The following LPIN2 variants were observed in gnomAD, a reference collection of about 807,000 sequenced individuals.
LPIN2 encodes the protein phosphatidate phosphatase LPIN2.
LPIN2 carries 55 observed loss-of-function variants against 111.4 expected under a neutral mutation model. The observed-to-expected ratio is 0.49, with a 90% CI of 0.40 to 0.62. The LOEUF is 0.62. Ranked by LOEUF, LPIN2 falls within the 20% of genes least tolerant of loss-of-function variation. The pLI, the probability that LPIN2 is intolerant of heterozygous loss-of-function variation, is 0.00. For synonymous variants in LPIN2, 425 were observed against 414.0 expected (o/e 1.03, Z -0.32); for missense variants, 992 against 1,112.1 (o/e 0.89, Z 1.54).
intron 7 of LPIN2, among the ~76,000 whole-genome samples, chr18:2,936,755 T>A (rs1325125633): frequency 6.6e-6 from 1 of 152,066 alleles, no homozygotes; most frequent in Non-Finnish European, 1.5e-5. Context: ...CAGTTTTTTA[T>A]GTTTGATAGA....
At chr18:2,958,168 A>AAAAAAG (rs2077649662) in intron 2 of LPIN2, among the ~76,000 whole-genome samples, 1 of 146,204 alleles carries the variant, frequency 6.8e-6, no homozygotes, top group African/African-American at 2.5e-5. Context: ...CAACAAAAAA[A>AAAAAAG]AAAAACAGAA....
intron 1 of LPIN2, among the ~76,000 whole-genome samples, chr18:3,009,734 C>CCCAG: frequency 6.6e-6 from 1 of 152,336 alleles, no homozygotes; most frequent in East Asian, 1.9e-4. Context: ...AACCACCGCA[C>CCCAG]CCAGCCTTCT....
intron 1 of LPIN2, among the ~76,000 whole-genome samples, chr18:2,978,472 C>A (rs1862702871): frequency 6.6e-6 from 1 of 152,084 alleles, no homozygotes; most frequent in African/African-American, 2.4e-5. Context: ...ATCAGACAAA[C>A]CGAAGTAGAG....
intron 7 of LPIN2, among the ~76,000 whole-genome samples, chr18:2,936,061 T>G (rs984011867): frequency 6.6e-6 from 1 of 152,248 alleles, no homozygotes; most frequent in Non-Finnish European, 1.5e-5. Flanking sequence ...GGTGCCAAGT[T>G]AAGCCACCAT....
intron 4 of LPIN2, among the ~76,000 whole-genome samples, chr18:2,947,315 CA>C (rs10712585): frequency 0.52 from 79,030 of 152,020 alleles, 21,642 homozygotes; most frequent in Non-Finnish European, 0.61. Context: ...CTCTTCCCTC[CA>C]AAAGGCTACA....
At chr18:2,970,719 C>T (rs2077894424) in intron 1 of LPIN2, among the ~76,000 whole-genome samples, 1 of 152,176 alleles carries the variant, frequency 6.6e-6, no homozygotes, top group Non-Finnish European at 1.5e-5. Context: ...CTTTATGCTA[C>T]TTAACAACTT....
chr18:2,956,915 G>A (rs766686958), intron 2 of LPIN2, among the ~76,000 whole-genome samples: 6 of 152,142 alleles, frequency 3.9e-5, no homozygotes, highest in Non-Finnish European at 8.8e-5. Context: ...AATATGCTGT[G>A]AACTCTTCAG....
At chr18:2,983,983 T>C (rs1016236703) in intron 1 of LPIN2, among the ~76,000 whole-genome samples, 1 of 152,200 alleles carries the variant, frequency 6.6e-6, no homozygotes, top group Non-Finnish European at 1.5e-5. Flanking sequence ...TTGTTCATCA[T>C]TCCTTTAAAG....
intron 13 of LPIN2, among the ~76,000 whole-genome samples, chr18:2,926,175 A>G (rs2077127085): frequency 6.6e-6 from 1 of 152,150 alleles, no homozygotes; most frequent in Non-Finnish European, 1.5e-5. Flanking sequence ...AAGATATAGG[A>G]TGGGGGGCGG....
At chr18:2,998,216 A>C (rs2078374527) in intron 1 of LPIN2, among the ~76,000 whole-genome samples, 1 of 152,232 alleles carries the variant, frequency 6.6e-6, no homozygotes, top group Non-Finnish European at 1.5e-5. Context: ...CACTGCTGCA[A>C]TCAATGCCAC....
At chr18:3,001,046 G>C (rs1019833638) in intron 1 of LPIN2, among the ~76,000 whole-genome samples, 2 of 152,086 alleles carry the variant, frequency 1.3e-5, no homozygotes, top group Non-Finnish European at 2.9e-5. Context: ...CTTCTCAAAA[G>C]TAACAATTCT....
intron 4 of LPIN2, chr18:2,950,413 T>C (rs2077516315): frequency 6.5e-6 from 1 of 152,788 alleles, no homozygotes. Flanking sequence ...CAGCTTCTTG[T>C]CCAGTCGTCA....
chr18:2,977,048 A>T (rs1382034002), intron 1 of LPIN2: 9 of 152,188 alleles, frequency 5.9e-5, no homozygotes, highest in African/African-American at 2.2e-4. Flanking sequence ...CTCCACAAAA[A>T]AATACAAAAA....
intron 2 of LPIN2, among the ~76,000 whole-genome samples, chr18:2,958,437 TG>T (rs1254816946): frequency 3.9e-5 from 6 of 152,096 alleles, no homozygotes; most frequent in Admixed American, 3.9e-4. Flanking sequence ...TTTGAAAATT[TG>T]GGGTCTTACT....
intron 6 of LPIN2, 72 bp from the exon 7 acceptor site, chr18:2,938,109 C>A (rs2077316624): frequency 8.8e-7 from 1 of 1,139,886 alleles, no homozygotes; most frequent in Non-Finnish European, 1.3e-6. Flanking sequence ...CCTAAGCTGG[C>A]AATGTGTTCA....
intron 2 of LPIN2, among the ~76,000 whole-genome samples, chr18:2,960,268 G>A (rs1210432615): frequency 6.6e-6 from 1 of 151,046 alleles, no homozygotes; most frequent in Non-Finnish European, 1.5e-5. Context: ...GAAGGTATTA[G>A]CCTAAGTATT....
At chr18:2,922,022 A>G (rs759108677) in intron 17 of LPIN2, 25 bp downstream of exon 17, 3 of 1,606,544 alleles carry the variant, frequency 1.9e-6, no homozygotes, top group East Asian at 2.2e-5. Flanking sequence ...GGCGGTGGGC[A>G]GAGGGCTGCC....
chr18:2,948,251 G>A (rs975024816), intron 4 of LPIN2: 1 of 152,150 alleles, frequency 6.6e-6, no homozygotes, highest in African/African-American at 2.4e-5. Context: ...ACGACTGCAA[G>A]GCCCTAGCTT....
rs536427580 is a variant in LPIN2 at position 3,000,431 on chromosome 18, T to C, written c.-10+12656A>G. On this transcript the variant is annotated intron_variant, in intron 1 of 19. Coordinates refer to ENST00000677752, the MANE Select transcript of LPIN2 (RefSeq NM_001375808.2). Reference sequence around the variant, plus strand: ...TCAAAGGATAAAGAAACACCTGCACTGTTGTGGGCTCCACCTATGGCAGTC... The same window carrying C: ...TCAAAGGATAAAGAAACACCTGCACCGTTGTGGGCTCCACCTATGGCAGTC... Among the ~76,000 whole-genome samples the C allele has an allele frequency of 1.3e-5, 2 of 152,364 alleles. 1 individual carries two copies. Among genetic ancestry groups the C allele is most frequent in the Non-Finnish European group, 2.9e-5 (2 of 68,048 alleles).
Sources: gnomAD v4.1 joint callset for allele counts (sites outside exome capture counted in the v4.1 genomes callset) on GRCh38, gnomAD v4.1.1 for gene constraint, MANE v1.5 for transcripts, NCBI Gene and HGNC (gene_info 2026-07-23, HGNC 2026-07-21) for gene names.